SFXN2: variants seen among roughly 807,000 people sequenced by gnomAD.
The protein encoded by SFXN2 is sideroflexin 2.
A neutral mutation model predicts 41.9 loss-of-function variants in SFXN2; 37 were observed. The ratio of observed to expected loss-of-function variants is 0.88; its 90% CI spans 0.68 to 1.16. The LOEUF (loss-of-function observed/expected upper bound fraction) is 1.16. Ranked by LOEUF, SFXN2 falls within the 50% of genes most tolerant of loss-of-function variation. The pLI is 0.00. For missense variants in SFXN2, 386 were observed against 425.2 expected (o/e 0.91, Z 0.81); for synonymous variants, 150 against 156.7 (o/e 0.96, Z 0.32).
intron 11 of SFXN2, among the ~76,000 whole-genome samples, chr10:102,736,494 T>C (rs2064780679): frequency 6.7e-6 from 1 of 148,636 alleles, no homozygotes; most frequent in Non-Finnish European, 1.5e-5. Flanking sequence ...CAGTCTCGGC[T>C]CACTGCAACC....
In SFXN2 at chr10:102,732,134, A is replaced by T. The variant is rs770504614; in HGVS notation, c.655-18A>T. 1.2e-6 allele frequency: 2 copies of T among 1,610,858 alleles called. No individual in the cohort carries two copies. The highest frequency in any genetic ancestry group is 1.7e-6 in the Non-Finnish European group (2 of 1,178,098). On this transcript the variant is annotated intron_variant, in intron 7 of 11. Transcript: ENST00000369893. ...CTGGATACATCATTTCTGACAACTT[A>T]CTATTTTCTGCCCTCAGAGAGCTGC...
At chr10:102,716,133 A>C (rs1054951231) in intron 1 of SFXN2, 1 of 152,098 alleles carries the variant, frequency 6.6e-6, no homozygotes, top group African/African-American at 2.4e-5. Flanking sequence ...TGCTCTTTCT[A>C]AGTTGTCTGG....
Position 102,726,982 on chromosome 10 carries a change from G to A in SFXN2, c.162-5G>A. On this transcript the variant is annotated splice_polypyrimidine_tract_variant and splice_region_variant and intron_variant, in intron 2 of 11. Transcript: ENST00000369893. ...TGGTGACTGCCTGCTGTCCTTGGGT[G>A]GCAGGATGGGGGTTGTGCCCCCAGG... The A allele has an allele frequency of 6.3e-7, 1 of 1,593,340 alleles. No individual in the cohort carries two copies. Among genetic ancestry groups the A allele is most frequent in the Non-Finnish European group, 8.6e-7 (1 of 1,163,732 alleles).
chr10:102,723,261 T>G (rs115217487), intron 1 of SFXN2, among the ~76,000 whole-genome samples: 2,314 of 147,460 alleles, frequency 0.016, 52 homozygotes, highest in African/African-American at 0.055. Flanking sequence ...AAAGTTTTGT[T>G]TTTTTTTTTT....
chr10:102,728,459 T>C lies in SFXN2; in HGVS notation c.361T>C (p.Trp121Arg). The change falls in exon 4 of 12, where the codon TGG becomes CGG. Residue 121 changes from tryptophan (W) to arginine (R), a missense_variant. By Grantham distance (101) the Trp-to-Arg change is moderately radical. Coordinates refer to ENST00000369893, the MANE Select transcript of SFXN2 (RefSeq NM_178858.6). ...RTMPAVIFWQ[W>R]VNQSFNALVN... ...GATGCCGGCGGTGATCTTCTGGCAG[T>C]GGGTGAACCAGTCCTTCAATGCCTT... 1 of 1,614,098 alleles carries C rather than the reference T, an allele frequency of 6.2e-7. No homozygotes were observed. The highest frequency in any genetic ancestry group is 8.5e-7 in the Non-Finnish European group (1 of 1,179,968).
intron 8 of SFXN2, 137 bp downstream of exon 8, chr10:102,732,355 T>A: frequency 1.4e-6 from 1 of 703,824 alleles, no homozygotes; most frequent in Non-Finnish European, 2.4e-6. Flanking sequence ...TTGATTGCTG[T>A]AAGCCTAGAA....
At chr10:102,716,252 G>C (rs2064410674) in intron 1 of SFXN2, 1 of 152,042 alleles carries the variant, frequency 6.6e-6, no homozygotes, top group Non-Finnish European at 1.5e-5. Flanking sequence ...AGGCAGCCTT[G>C]ACCTTAATCC....
chr10:102,721,960 T>C (rs2064515258), intron 1 of SFXN2, among the ~76,000 whole-genome samples: 2 of 152,228 alleles, frequency 1.3e-5, no homozygotes, highest in Non-Finnish European at 2.9e-5. Flanking sequence ...CCTGTTGGTC[T>C]CTCCTCTGAG....
intron 7 of SFXN2, 65 bp from the exon 8 acceptor site, chr10:102,732,087 C>A (rs1399189480): frequency 1.4e-6 from 2 of 1,462,316 alleles, no homozygotes; most frequent in African/African-American, 2.8e-5. Context: ...CTGACCCAGC[C>A]CCCTGGTGCA....
At chr10:102,726,524 C>A in intron 1 of SFXN2, 88 bp from the exon 2 acceptor site, 3 of 1,364,512 alleles carry the variant, frequency 2.2e-6, no homozygotes, top group Non-Finnish European at 3.0e-6. Flanking sequence ...CTGGTGAGAG[C>A]AGGCAGTCTG....
At chr10:102,729,214 G>A (rs1004245776) in intron 4 of SFXN2, 105 bp from the exon 5 acceptor site, 63 of 1,005,002 alleles carry the variant, frequency 6.3e-5, no homozygotes, top group African/African-American at 7.9e-5. Flanking sequence ...GATCCTGTGC[G>A]GTTTTCACGC....
intron 1 of SFXN2, chr10:102,714,989 C>G (rs772696435): frequency 6.5e-6 from 1 of 152,694 alleles, no homozygotes; most frequent in Admixed American, 6.5e-5. Context: ...TGGCCCTGAG[C>G]CCTGAGGTGA....
chr10:102,725,552 A>G (rs910362904), intron 1 of SFXN2, among the ~76,000 whole-genome samples: 3 of 152,120 alleles, frequency 2.0e-5, no homozygotes, highest in Non-Finnish European at 2.9e-5. Context: ...ATGCCTGTCA[A>G]TTACCATTCA....
In SFXN2 at chr10:102,727,047, T is replaced by C. The variant is rs919062759; in HGVS notation, c.222T>C (p.Tyr74=). 1.2e-6 allele frequency: 2 copies of C among 1,609,770 alleles called. No individual in the cohort carries two copies. The highest frequency in any genetic ancestry group is 1.1e-5 in the South Asian group (1 of 90,986). Residue 74 remains tyrosine (Y), a synonymous_variant, in exon 3 of 12, where the codon TAT becomes TAC. Coordinates refer to ENST00000369893, the MANE Select transcript of SFXN2 (RefSeq NM_178858.6). The part of the protein sequence containing the change: ...VEQLLYAKKL[Y]DSAFHPDTGE... ...AGCTGCTGTATGCCAAGAAGCTGTA[T>C]GACTCGGCCTTCCACCCCGACACTG...
intron 1 of SFXN2, among the ~76,000 whole-genome samples, chr10:102,721,478 GA>G (rs1302792356): frequency 1.4e-5 from 2 of 147,128 alleles, no homozygotes; most frequent in Non-Finnish European, 3.0e-5. Flanking sequence ...ATAGCTATAT[GA>G]ATTATTTATG....
At chr10:102,725,729 C>CA (rs1175302757) in intron 1 of SFXN2, among the ~76,000 whole-genome samples, 2 of 151,674 alleles carry the variant, frequency 1.3e-5, no homozygotes, top group Non-Finnish European at 2.9e-5. Context: ...GCCATCTCTA[C>CA]AAAAAAATAC....
intron 7 of SFXN2, 50 bp from the exon 8 acceptor site, chr10:102,732,102 A>G (rs545235718): frequency 1.9e-6 from 3 of 1,559,694 alleles, no homozygotes; most frequent in East Asian, 2.2e-5. Flanking sequence ...GGTGCAGCAC[A>G]TGTACACTGG....
At chr10:102,731,651 C>G (rs149898492) in intron 6 of SFXN2, 72 bp from the exon 7 acceptor site, 43 of 1,396,100 alleles carry the variant, frequency 3.1e-5, no homozygotes, top group Admixed American at 5.2e-5. Context: ...GCCTTGGTCC[C>G]CTGGCATGTC....
intron 5 of SFXN2, 117 bp downstream of exon 5, chr10:102,729,511 C>A: frequency 7.8e-7 from 1 of 1,284,042 alleles, no homozygotes. Flanking sequence ...TGGCCAGAGC[C>A]CGGCTGGCCA....
Sources: allele counts gnomAD v4.1 joint callset (sites outside exome capture counted in the v4.1 genomes callset), GRCh38; gene constraint gnomAD v4.1.1; transcripts MANE v1.5; gene names NCBI Gene and HGNC (gene_info 2026-07-23, HGNC 2026-07-21).